The following FUS variants were observed in gnomAD, a reference collection of about 807,000 sequenced individuals.
FUS encodes FUS RNA binding protein.
FUS carries 5 observed loss-of-function variants against 82.7 expected under a neutral mutation model. The ratio of observed to expected loss-of-function variants is 0.06; its 90% CI spans 0.03 to 0.13. FUS has a LOEUF of 0.13. FUS is among the 10% of genes least tolerant of loss of function. The pLI, the probability that FUS is intolerant of heterozygous loss-of-function variation, is 1.00. For missense variants in FUS, 512 were observed against 707.8 expected (o/e 0.72, Z 3.14); for synonymous variants, 281 against 247.4 (o/e 1.14, Z -1.27).
chr16:31,192,991 T>TG (rs1263048822), downstream of FUS: 1 of 485,672 alleles, frequency 2.1e-6, no homozygotes, highest in African/African-American at 2.0e-5. Flanking sequence ...GATGGAGTTT[T>TG]GCTCTTGTTG....
At chr16:31,180,975 C>G (rs558061534) in intron 1 of FUS, among the ~76,000 whole-genome samples, 92 of 151,876 alleles carry the variant, frequency 6.1e-4, no homozygotes, top group South Asian at 1.0e-3. Context: ...TGCAGTGGTG[C>G]GATCTCAGAT....
chr16:31,182,923 A>G, intron 3 of FUS: 2 of 459,832 alleles, frequency 4.3e-6, no homozygotes, highest in Non-Finnish European at 8.1e-6. Flanking sequence ...ACCGTGTTGG[A>G]CAGGCTGGTC....
In FUS at chr16:31,190,833, T is replaced by C. The variant is rs199674833; in HGVS notation, c.1384T>C (p.Ser462Pro). ...TGGCCCAGGAGGGGGACCAGGTGGC[T>C]CTCACATGGGTAAGAAAGGCAGACC... ...PDGPGGGPGG[S>P]HMGGNYGDDR... Residue 462 changes from serine to proline, a missense_variant, in exon 13 of 15, where the codon TCT (serine) becomes CCT (proline). Physicochemically the swap from Ser to Pro is moderately conservative, Grantham distance 74. This residue lies in a region of FUS where 96 missense variants were observed against 120.7 expected (regional missense o/e 0.80). Transcript: ENST00000254108. 1.9e-6 allele frequency: 3 copies of C among 1,613,998 alleles called. No individual in the cohort carries two copies. Among genetic ancestry groups the C allele is most frequent in the African/African-American group, 2.7e-5 (2 of 75,038 alleles).
At chr16:31,180,842 G>A (rs1256745550) in intron 1 of FUS, among the ~76,000 whole-genome samples, 1 of 152,186 alleles carries the variant, frequency 6.6e-6, no homozygotes, top group African/African-American at 2.4e-5. Context: ...CTAGCTTAAC[G>A]GTTTGGCGGC....
chr16:31,188,355 C>T lies in FUS; in HGVS notation c.830C>T (p.Ser277Phe), dbSNP rs1379960897. 1 of 1,613,148 alleles carries T rather than the reference C, an allele frequency of 6.2e-7. No individual in the cohort carries two copies. Among genetic ancestry groups the T allele is most frequent in the African/African-American group, 1.3e-5 (1 of 74,612 alleles). Residue 277 changes from serine (S) to phenylalanine (F), a missense_variant and splice_region_variant, in exon 8 of 15, where the codon TCC becomes TTC. By Grantham distance (155) the Ser-to-Phe change is radical (BLOSUM62 -2). This residue lies in a region of FUS where 51 missense variants were observed against 72.2 expected (regional missense o/e 0.71). Transcript: ENST00000254108. ...GPRDQGSRHDSEQDNSDNNTI... is the reference protein window; with the variant it reads ...GPRDQGSRHDFEQDNSDNNTI... ...CGGGACCAAGGATCACGTCATGACT[C>T]CGGTGAGTTCACACGTGGTGGCATG...
At chr16:31,190,522 T>C (rs2079338757) in intron 12 of FUS, 124 bp downstream of exon 12, 2 of 1,474,732 alleles carry the variant, frequency 1.4e-6, no homozygotes, top group Non-Finnish European at 1.9e-6. Flanking sequence ...GGGTCAGATT[T>C]AGCCAAAAGC....
downstream of FUS, chr16:31,192,268 C>T (rs1230909340): frequency 1.9e-6 from 1 of 526,826 alleles, no homozygotes; most frequent in South Asian, 1.5e-5. Flanking sequence ...GGTGGAAGGC[C>T]CTCCTAAGGG....
chr16:31,188,529 C>G (rs749135674), intron 8 of FUS, 172 bp downstream of exon 8: 122 of 746,512 alleles, frequency 1.6e-4, no homozygotes, highest in Admixed American at 3.3e-4. Context: ...AAGTATTTCT[C>G]AGAAATACCT....
chr16:31,190,509 T>C (rs1236017864), intron 12 of FUS, 111 bp downstream of exon 12: 7 of 1,533,306 alleles, frequency 4.6e-6, no homozygotes, highest in Admixed American at 1.7e-5. Context: ...GGCCACACTG[T>C]TGGGGTCAGA....
At chr16:31,192,052 T>G, downstream of FUS, 1 of 533,076 alleles carries the variant, frequency 1.9e-6, no homozygotes. Context: ...GGAGAGTAAC[T>G]GAGTGCTGCA....
At chr16:31,193,841 G>T (rs529933315), downstream of FUS, 5 of 521,322 alleles carry the variant, frequency 9.6e-6, no homozygotes, top group Admixed American at 2.3e-5. Context: ...TAAGAAACAG[G>T]GTTTCACTGG....
intron 3 of FUS, 89 bp downstream of exon 3, chr16:31,182,753 G>A (rs781716946): frequency 1.9e-6 from 3 of 1,548,266 alleles, no homozygotes; most frequent in South Asian, 1.1e-5. Flanking sequence ...GTCTGGTCCT[G>A]TTGCCCAGGC....
rs1036744464 is a variant in FUS at position 31,191,553 on chromosome 16, T to C, written c.*115T>C. ...CCAAGGGTTTTTTTGTGTCGGACTATGTAATTGTAACTATACCTCTGGTTC... is the reference window on the plus strand; with the variant it reads ...CCAAGGGTTTTTTTGTGTCGGACTACGTAATTGTAACTATACCTCTGGTTC... On this transcript the variant is annotated 3_prime_UTR_variant, in exon 15 of 15. Transcript: ENST00000254108. 8.8e-7 allele frequency: 1 copy of C among 1,141,858 alleles called. No individual in the cohort carries two copies. Among genetic ancestry groups the C allele is most frequent in the South Asian group, 1.3e-5 (1 of 79,352 alleles). 70.7% of individuals were successfully genotyped at this position (1,141,858 alleles called of 1,614,324 possible). A position where few individuals can be genotyped will look rare whatever the true frequency, so the allele number is the denominator to read the frequency against.
At chr16:31,186,403 C>T in intron 6 of FUS, 1 of 375,188 alleles carries the variant, frequency 2.7e-6, no homozygotes, top group Admixed American at 4.2e-5. Context: ...GTGTTCAAGG[C>T]TACCCCAGCC....
chr16:31,184,860 T>A (rs1329689017), intron 5 of FUS, 79 bp from the exon 6 acceptor site: 1 of 1,463,064 alleles, frequency 6.8e-7, no homozygotes, highest in Non-Finnish European at 9.5e-7. Context: ...CTGGCACTTG[T>A]CAAACCTTTT....
downstream of FUS, chr16:31,191,756 T>G: frequency 1.6e-6 from 1 of 621,124 alleles, no homozygotes; most frequent in Non-Finnish European, 3.0e-6. Context: ...AGAGCAGAGA[T>G]TAAACTTTTC....
At chr16:31,191,911 C>T (rs750954432), downstream of FUS, 8 of 535,960 alleles carry the variant, frequency 1.5e-5, no homozygotes, top group East Asian at 7.8e-5. Flanking sequence ...AGCAGTTTAT[C>T]CCTTTTTAAG....
Position 31,191,027 on chromosome 16 carries a change from C to A in FUS, c.1458C>A (p.Gly486=). 6.2e-7 allele frequency: 1 copy of A among 1,613,780 alleles called. No homozygotes were observed. Among genetic ancestry groups the A allele is most frequent in the Non-Finnish European group, 8.5e-7 (1 of 1,179,954 alleles). The part of the protein sequence containing the change: ...RGGYDRGGYR[G]RGGDRGGFRG... ...GCTATGATCGAGGCGGCTACCGGGGCCGCGGCGGGGACCGTGGAGGCTTCC... is the reference window on the plus strand; with the variant it reads ...GCTATGATCGAGGCGGCTACCGGGGACGCGGCGGGGACCGTGGAGGCTTCC... The change falls in exon 14 of 15, where the codon GGC becomes GGA. Residue 486 remains glycine (G), a synonymous_variant. Transcript: ENST00000254108.
chr16:31,185,445 T>TA lies in FUS; in HGVS notation c.764+267dup, dbSNP rs140000657. On this transcript the variant is annotated intron_variant, in intron 6 of 14. Coordinates refer to ENST00000254108, the MANE Select transcript of FUS (RefSeq NM_004960.4). ...CAAAAAAAAAGAAACCATACATAGA[T>TA]ACGTATGGATTGGAGTCATTAATAT... 1.2e-3 allele frequency: 798 copies of TA among 663,756 alleles called. 2 individuals carry two copies. The African/African-American group carries it at 0.013, about 11-fold the overall frequency. 41.1% of individuals were successfully genotyped at this position (663,756 alleles called of 1,614,324 possible).
Sources: gnomAD v4.1 joint callset for allele counts (sites outside exome capture counted in the v4.1 genomes callset) on GRCh38, gnomAD v4.1.1 for gene constraint, gnomAD v4.1.1 regional missense constraint, MANE v1.5 for transcripts, NCBI Gene and HGNC (gene_info 2026-07-23, HGNC 2026-07-21) for gene names.